Variants in ERBB4 observed in about 807,000 individuals in gnomAD.
The protein encoded by ERBB4 is erb-b2 receptor tyrosine kinase 4.
Under a neutral mutation model 158.0 loss-of-function variants are expected in ERBB4, and 42 were observed. The observed-to-expected ratio is 0.27, with a 90% CI of 0.21 to 0.34. The LOEUF (loss-of-function observed/expected upper bound fraction) is 0.34, where lower values mean the gene tolerates loss of function less well. ERBB4 is among the 10% of genes least tolerant of loss of function. The probability of loss-of-function intolerance (pLI) is 1.00; values close to 1 mark genes in which losing one functional copy is unlikely to be tolerated. For missense variants in ERBB4, 1,333 were observed against 1,624.1 expected, an observed-to-expected ratio of 0.82 and a Z score of 3.08; for synonymous variants, 583 against 558.7, an observed-to-expected ratio of 1.04 and a Z score of -0.61.
intron 1 of ERBB4, among the ~76,000 whole-genome samples, chr2:212,290,673 T>TGTGTGTGC (rs993528311): frequency 6.6e-6 from 1 of 152,084 alleles, no homozygotes; most frequent in Non-Finnish European, 1.5e-5. Context: ...CGTGTGTGTG[T>TGTGTGTGC]GTGTGTGCGT....
chr2:211,675,562 A>C (rs2072028785), intron 13 of ERBB4, among the ~76,000 whole-genome samples: 1 of 151,784 alleles, frequency 6.6e-6, no homozygotes, highest in Non-Finnish European at 1.5e-5. Flanking sequence ...GGAAGTTCTA[A>C]AGTTCCATTG....
intron 1 of ERBB4, among the ~76,000 whole-genome samples, chr2:212,374,010 CCATATATATCCA>C (rs989061315): frequency 9.8e-6 from 1 of 101,970 alleles, no homozygotes; most frequent in Non-Finnish European, 2.1e-5. Flanking sequence ...ATATATATAT[CCATATATATCCA>C]TATATATATA....
intron 20 of ERBB4, among the ~76,000 whole-genome samples, chr2:211,555,636 C>T (rs902342650): frequency 2.0e-5 from 3 of 152,112 alleles, no homozygotes; most frequent in Non-Finnish European, 4.4e-5. Context: ...CAGCAGAAAC[C>T]CTAAAAGCCA....
At chr2:211,831,934 C>A (rs539124493) in intron 3 of ERBB4, among the ~76,000 whole-genome samples, 1 of 152,094 alleles carries the variant, frequency 6.6e-6, no homozygotes, top group Non-Finnish European at 1.5e-5. Context: ...CTTCACTGTA[C>A]TTTTAAAAGT....
chr2:212,491,611 C>T (rs10206719), intron 1 of ERBB4, among the ~76,000 whole-genome samples: 47,939 of 151,274 alleles, frequency 0.32, 10,433 homozygotes, highest in African/African-American at 0.63. Flanking sequence ...ACAGAGTATA[C>T]GGAGAAATAG....
At chr2:211,390,584 T>C (rs2062779917) in intron 25 of ERBB4, among the ~76,000 whole-genome samples, 1 of 152,212 alleles carries the variant, frequency 6.6e-6, no homozygotes, top group African/African-American at 2.4e-5. Flanking sequence ...GGGAACAGTT[T>C]ATTATCTATA....
chr2:211,612,708 A>T (rs1227406665), intron 19 of ERBB4, among the ~76,000 whole-genome samples: 1 of 151,720 alleles, frequency 6.6e-6, no homozygotes, highest in African/African-American at 2.4e-5. Context: ...GGTCTCATGC[A>T]GAGGACCTGC....
Position 211,989,068 on chromosome 2 carries a change from C to T in ERBB4, c.235-41452G>A, listed in dbSNP as rs554686076. On this transcript the variant is annotated intron_variant, in intron 2 of 27. Coordinates refer to ENST00000342788, the MANE Select transcript of ERBB4 (RefSeq NM_005235.3). The stretch of plus-strand genomic sequence containing the variant: ...TTTATGTTTTATTTTTGGAATAGAA[C>T]TATGTCCTTAACAAAAGTCCTCTAG... Among the ~76,000 whole-genome samples, 5 of 151,978 alleles carry T rather than the reference C, an allele frequency of 3.3e-5. No individual in the cohort carries two copies. In the South Asian group the frequency reaches 6.2e-4, roughly 19 times the overall value.
intron 1 of ERBB4, among the ~76,000 whole-genome samples, chr2:212,331,246 T>C (rs1268610435): frequency 6.6e-6 from 1 of 150,984 alleles, no homozygotes; most frequent in Non-Finnish European, 1.5e-5. Context: ...CCTATTTCTA[T>C]AACTAATAGA....
rs2078666791 is a variant in ERBB4 at position 212,088,038 on chromosome 2, T to G, written c.234+36714A>C. Among the ~76,000 whole-genome samples the G allele has an allele frequency of 1.3e-5, 2 of 152,162 alleles. 1 individual carries two copies. Among genetic ancestry groups the G allele is most frequent in the Admixed American group, 1.3e-4 (2 of 15,238 alleles). ...TGTTGCTATTGTTCTTACTATTTTT[T>G]ATTTGTTGTGTTGTTTTTATATATC... On this transcript the variant is annotated intron_variant, in intron 2 of 27. Coordinates refer to ENST00000342788, the MANE Select transcript of ERBB4 (RefSeq NM_005235.3).
chr2:211,863,522 G>A (rs996944136), intron 3 of ERBB4, among the ~76,000 whole-genome samples: 18 of 152,154 alleles, frequency 1.2e-4, no homozygotes, highest in Non-Finnish European at 2.4e-4. Context: ...CATTCCTGAA[G>A]TCAGCGAAAC....
At chr2:211,558,278 G>A (rs1214443279) in intron 20 of ERBB4, among the ~76,000 whole-genome samples, 5 of 152,114 alleles carry the variant, frequency 3.3e-5, no homozygotes, top group Admixed American at 6.5e-5. Flanking sequence ...TTCTAGAGGT[G>A]CCTACATTCC....
At chr2:212,036,182 C>T (rs538370453) in intron 2 of ERBB4, among the ~76,000 whole-genome samples, 50 of 152,200 alleles carry the variant, frequency 3.3e-4, no homozygotes, top group African/African-American at 1.1e-3. Context: ...ATTGAGAAGA[C>T]AGTTAGCCTA....
chr2:211,667,820 A>G (rs1325802222), intron 14 of ERBB4, among the ~76,000 whole-genome samples: 2 of 152,230 alleles, frequency 1.3e-5, no homozygotes, highest in East Asian at 1.9e-4. Context: ...TAAAGTTGTA[A>G]AAGTAAAATC....
intron 1 of ERBB4, among the ~76,000 whole-genome samples, chr2:212,396,472 A>G (rs1159334743): frequency 6.6e-6 from 1 of 152,162 alleles, no homozygotes; most frequent in Non-Finnish European, 1.5e-5. Flanking sequence ...CTCCTCTGAA[A>G]AAGGGGGATA....
intron 1 of ERBB4, among the ~76,000 whole-genome samples, chr2:212,536,575 G>C (rs933993459): frequency 2.0e-5 from 3 of 152,132 alleles, no homozygotes; most frequent in African/African-American, 7.2e-5. Context: ...CTGACAATTC[G>C]CCCAGGGAAA....
At chr2:212,266,679 T>C (rs915086223) in intron 1 of ERBB4, among the ~76,000 whole-genome samples, 4 of 151,860 alleles carry the variant, frequency 2.6e-5, no homozygotes, top group Non-Finnish European at 4.4e-5. Context: ...GGTGACAGGA[T>C]TATTATTATT....
At chr2:211,847,649 T>G (rs2077622933) in intron 3 of ERBB4, among the ~76,000 whole-genome samples, 1 of 152,124 alleles carries the variant, frequency 6.6e-6, no homozygotes, top group Admixed American at 6.6e-5. Flanking sequence ...TTTGCAATTT[T>G]TTTGGCTCGT....
chr2:212,499,451 G>A (rs1004806689), intron 1 of ERBB4, among the ~76,000 whole-genome samples: 4 of 152,140 alleles, frequency 2.6e-5, no homozygotes, highest in African/African-American at 4.8e-5. Flanking sequence ...ATTTTTTAAT[G>A]TAGAGGAATC....
Sources: gnomAD v4.1 joint callset for allele counts (sites outside exome capture counted in the v4.1 genomes callset) on GRCh38, gnomAD v4.1.1 for gene constraint, MANE v1.5 for transcripts, NCBI Gene and HGNC (gene_info 2026-07-23, HGNC 2026-07-21) for gene names.